The following STK24 variants were observed in gnomAD, a reference collection of about 807,000 sequenced individuals.
The protein encoded by STK24 is serine/threonine kinase 24.
STK24 carries 21 observed loss-of-function variants against 55.6 expected under a neutral mutation model. The observed-to-expected ratio is 0.38, with a 90% confidence interval of 0.27 to 0.54. The LOEUF (loss-of-function observed/expected upper bound fraction) is 0.54. Among genes scored for constraint, STK24 ranks in the 20% least tolerant of loss-of-function variants. STK24 has a pLI of 0.79. For missense variants in STK24, 383 were observed against 538.4 expected, an observed-to-expected ratio of 0.71 and a Z score of 2.86; for synonymous variants, 200 against 215.2, an observed-to-expected ratio of 0.93 and a Z score of 0.62.
chr13:98,448,176 C>A lies in STK24; in HGVS notation c.*4997G>T, dbSNP rs996972452. 1 of 1,423,398 alleles carries A rather than the reference C, an allele frequency of 7.0e-7. No homozygotes were observed. Among genetic ancestry groups the A allele is most frequent in the African/African-American group, 1.4e-5 (1 of 70,314 alleles). 88.2% of individuals were successfully genotyped at this position (1,423,398 alleles called of 1,614,324 possible). On this transcript the variant is annotated 3_prime_UTR_variant, in exon 11 of 11. Transcript: ENST00000539966. Reference sequence around the variant, plus strand: ...CTTGTGTTTCTGTAAGCGATGCCCACCAAAGTGTCAGGAGTCCGTCCAAAC... The same window carrying A: ...CTTGTGTTTCTGTAAGCGATGCCCAACAAAGTGTCAGGAGTCCGTCCAAAC...
At chr13:98,469,276 C>T (rs575936160) in intron 5 of STK24, among the ~76,000 whole-genome samples, 8 of 152,262 alleles carry the variant, frequency 5.3e-5, no homozygotes, top group East Asian at 1.9e-4. Context: ...GGGCCAGGCG[C>T]GGTGGCTCAC....
chr13:98,508,611 G>T (rs1363410119), intron 2 of STK24, among the ~76,000 whole-genome samples: 1 of 152,132 alleles, frequency 6.6e-6, no homozygotes, highest in Non-Finnish European at 1.5e-5. Flanking sequence ...AAGTGAGGGT[G>T]GGAGGAACAG....
intron 2 of STK24, among the ~76,000 whole-genome samples, chr13:98,507,105 T>C (rs1409479598): frequency 6.6e-6 from 1 of 152,248 alleles, no homozygotes; most frequent in African/African-American, 2.4e-5. Context: ...GCAGTGCCAC[T>C]GTGTCTGCTC....
At chr13:98,518,463 C>A (rs572801926) in intron 2 of STK24, among the ~76,000 whole-genome samples, 10 of 152,142 alleles carry the variant, frequency 6.6e-5, no homozygotes, top group African/African-American at 1.4e-4. Flanking sequence ...TATTTCAGAG[C>A]GTTTTTTTCC....
At chr13:98,496,022 C>T (rs1412515378) in intron 2 of STK24, among the ~76,000 whole-genome samples, 1 of 152,246 alleles carries the variant, frequency 6.6e-6, no homozygotes, top group Non-Finnish European at 1.5e-5. Flanking sequence ...CTGTGCCAGA[C>T]TGATCAGGGA....
chr13:98,514,192 T>G (rs917710513), intron 2 of STK24, among the ~76,000 whole-genome samples: 10 of 152,204 alleles, frequency 6.6e-5, no homozygotes, highest in Non-Finnish European at 1.5e-4. Context: ...GGCCAGTTAT[T>G]AGTTATGCGG....
intron 1 of STK24, among the ~76,000 whole-genome samples, chr13:98,528,317 G>A (rs985495537): frequency 3.9e-5 from 6 of 152,148 alleles, no homozygotes; most frequent in East Asian, 3.9e-4. Flanking sequence ...CTGATTCTGC[G>A]CTCAATGAGA....
At chr13:98,523,222 T>A (rs1896322588) in intron 1 of STK24, among the ~76,000 whole-genome samples, 1 of 152,120 alleles carries the variant, frequency 6.6e-6, no homozygotes, top group Non-Finnish European at 1.5e-5. Flanking sequence ...CACCATCATG[T>A]TAGGTCAACT....
At chr13:98,466,701 G>C (rs1471740801) in intron 5 of STK24, 140 bp from the exon 6 acceptor site, 1 of 947,576 alleles carries the variant, frequency 1.1e-6, no homozygotes, top group Non-Finnish European at 1.5e-6. Context: ...AAAAACATAA[G>C]CCCTCGCTGT....
chr13:98,529,187 C>G (rs972225000), intron 1 of STK24, among the ~76,000 whole-genome samples: 1 of 152,146 alleles, frequency 6.6e-6, no homozygotes, highest in African/African-American at 2.4e-5. Context: ...GGCCCCCCAC[C>G]ACGTGTTTCA....
chr13:98,515,102 A>G (rs766593440), intron 2 of STK24, among the ~76,000 whole-genome samples: 112 of 31,156 alleles, frequency 3.6e-3, no homozygotes, highest in African/African-American at 0.012. Flanking sequence ...AAACCCCCTG[A>G]AAAAAAAAAA....
intron 1 of STK24, among the ~76,000 whole-genome samples, chr13:98,546,927 T>C (rs34113440): frequency 1.3e-5 from 2 of 151,930 alleles, no homozygotes; most frequent in African/African-American, 4.8e-5. Flanking sequence ...TTGTTTGTTT[T>C]TGAGATGGAG....
intron 10 of STK24, chr13:98,454,112 T>C (rs1414425640): frequency 1.3e-5 from 2 of 152,314 alleles, no homozygotes. Context: ...TTAAGTACTA[T>C]AGAAATTCTA....
In STK24 at chr13:98,447,977, C is replaced by T; in HGVS notation, c.*5196G>A. 1 of 523,306 alleles carries T rather than the reference C, an allele frequency of 1.9e-6. No individual in the cohort carries two copies. The highest frequency in any genetic ancestry group is 3.4e-6 in the Non-Finnish European group (1 of 294,046). 32.4% of individuals were successfully genotyped at this position (523,306 alleles called of 1,614,324 possible). ...CCAGCAACCAGAGGCCACCTCGCTC[C>T]TAACTGCTCCAATGGAGCGGGCAGT... On this transcript the variant is annotated 3_prime_UTR_variant, in exon 11 of 11. Coordinates refer to ENST00000539966, the MANE Select transcript of STK24 (RefSeq NM_001032296.4).
chr13:98,460,210 GTGGTGCTGACA>G (rs1302540598), intron 9 of STK24, among the ~76,000 whole-genome samples, 151 bp downstream of exon 9: 1 of 49,096 alleles, frequency 2.0e-5, no homozygotes, highest in East Asian at 4.9e-4. Context: ...GAGGCGCAAG[GTGGTGCTGACA>G]GCCTTTGGGA....
chr13:98,510,311 C>A (rs1895839655), intron 2 of STK24, among the ~76,000 whole-genome samples: 1 of 152,198 alleles, frequency 6.6e-6, no homozygotes, highest in African/African-American at 2.4e-5. Flanking sequence ...CGGTCATCAC[C>A]CACATCCAGC....
At chr13:98,516,499 C>T (rs1159862016) in intron 2 of STK24, among the ~76,000 whole-genome samples, 1 of 152,210 alleles carries the variant, frequency 6.6e-6, no homozygotes, top group Non-Finnish European at 1.5e-5. Flanking sequence ...CCTCTTCCCA[C>T]GAAGCACACT....
intron 10 of STK24, chr13:98,456,563 A>C (rs911552608): frequency 6.0e-6 from 3 of 502,144 alleles, no homozygotes; most frequent in African/African-American, 3.9e-5. Flanking sequence ...GGATACTCCT[A>C]CAACAAGTTG....
chr13:98,464,375 C>T (rs1427740613), intron 6 of STK24, among the ~76,000 whole-genome samples: 1 of 151,540 alleles, frequency 6.6e-6, no homozygotes, highest in African/African-American at 2.4e-5. Flanking sequence ...GCCGAGATCG[C>T]GCCACTGCAC....
Sources: allele counts gnomAD v4.1 joint callset (sites outside exome capture counted in the v4.1 genomes callset), GRCh38; gene constraint gnomAD v4.1.1; transcripts MANE v1.5; gene names NCBI Gene and HGNC (gene_info 2026-07-23, HGNC 2026-07-21).